Variants in ZNF385D observed in about 807,000 individuals in gnomAD.
ZNF385D encodes the protein zinc finger protein 659.
Under a neutral mutation model 35.8 loss-of-function variants are expected in ZNF385D, and 15 were observed. The observed-to-expected ratio is 0.42, with a 90% CI of 0.28 to 0.64. The LOEUF (loss-of-function observed/expected upper bound fraction) is 0.64, where lower values mean the gene tolerates loss of function less well. Among genes scored for constraint, ZNF385D ranks in the 30% least tolerant of loss-of-function variants. The pLI is 0.23. For missense variants in ZNF385D, 474 were observed against 494.6 expected (o/e 0.96, Z 0.39); for synonymous variants, 212 against 186.8 (o/e 1.13, Z -1.10).
intron 2 of ZNF385D, among the ~76,000 whole-genome samples, chr3:22,284,792 T>C (rs1282225998): frequency 6.6e-6 from 1 of 152,126 alleles, no homozygotes; most frequent in Non-Finnish European, 1.5e-5. Context: ...AATTTAAGAA[T>C]GTCAGGAGAT....
chr3:21,567,826 G>T (rs1020934218), intron 2 of ZNF385D, among the ~76,000 whole-genome samples: 1 of 152,048 alleles, frequency 6.6e-6, no homozygotes, highest in Non-Finnish European at 1.5e-5. Context: ...GGTGATCAGG[G>T]TATTATTTTG....
intron 3 of ZNF385D, among the ~76,000 whole-genome samples, chr3:22,065,733 C>G (rs1699913593): frequency 6.6e-6 from 1 of 152,028 alleles, no homozygotes; most frequent in Non-Finnish European, 1.5e-5. Context: ...ATAACACACA[C>G]TGCATAAAAA....
At chr3:22,039,808 T>C (rs963393653) in intron 3 of ZNF385D, among the ~76,000 whole-genome samples, 3 of 152,118 alleles carry the variant, frequency 2.0e-5, no homozygotes, top group Non-Finnish European at 4.4e-5. Context: ...CCTGGATGTC[T>C]TTCTTCTCTT....
chr3:22,130,587 A>G lies in ZNF385D; in HGVS notation c.325+38230T>C, dbSNP rs184399573. ...CTGTGACAGGGCAGCACTGAGTTCC[A>G]ATGCAAACTTCCAATTTCCCAGTGA... On this transcript the variant is annotated intron_variant, in intron 3 of 5. Transcript: ENST00000494108. 3.3e-5 allele frequency among the ~76,000 whole-genome samples: 5 copies of G among 152,228 alleles called. No individual in the cohort carries two copies. The East Asian group carries it at 9.7e-4, about 29-fold the overall frequency.
chr3:21,549,634 C>A (rs2062499667), intron 3 of ZNF385D, among the ~76,000 whole-genome samples: 1 of 152,212 alleles, frequency 6.6e-6, no homozygotes. Context: ...GACAGCCCAA[C>A]TGAAACTCAT....
chr3:22,007,962 T>C (rs1696322600), intron 3 of ZNF385D, among the ~76,000 whole-genome samples: 1 of 152,066 alleles, frequency 6.6e-6, no homozygotes, highest in Non-Finnish European at 1.5e-5. Context: ...CTCATACCTA[T>C]GTACAAATGA....
chr3:22,068,211 TTTCA>T (rs964984102), intron 3 of ZNF385D, among the ~76,000 whole-genome samples: 4 of 152,226 alleles, frequency 2.6e-5, no homozygotes, highest in Non-Finnish European at 5.9e-5. Flanking sequence ...TTAGATGCTC[TTTCA>T]GACAGTTGTA....
intron 3 of ZNF385D, among the ~76,000 whole-genome samples, chr3:21,982,699 A>G (rs1694545515): frequency 6.6e-6 from 1 of 152,166 alleles, no homozygotes; most frequent in Admixed American, 6.5e-5. Context: ...TTGCCTATTC[A>G]GTATAACATT....
intron 2 of ZNF385D, among the ~76,000 whole-genome samples, chr3:22,284,556 G>C (rs1701930985): frequency 6.6e-6 from 1 of 151,574 alleles, no homozygotes; most frequent in Non-Finnish European, 1.5e-5. Context: ...AAATTGTATG[G>C]TGGACCACAG....
At chr3:22,244,747 G>A (rs1699682342) in intron 2 of ZNF385D, among the ~76,000 whole-genome samples, 1 of 150,878 alleles carries the variant, frequency 6.6e-6, no homozygotes, top group Non-Finnish European at 1.5e-5. Context: ...AATGCCTCAG[G>A]TATATTAAAA....
chr3:22,156,403 G>C (rs1182998466), intron 3 of ZNF385D, among the ~76,000 whole-genome samples: 1 of 152,076 alleles, frequency 6.6e-6, no homozygotes, highest in Non-Finnish European at 1.5e-5. Flanking sequence ...CCCCTGCACA[G>C]ATGGATTACA....
chr3:21,435,127 T>C (rs1701485527), intron 5 of ZNF385D, among the ~76,000 whole-genome samples: 2 of 152,218 alleles, frequency 1.3e-5, no homozygotes, highest in Admixed American at 1.3e-4. Context: ...GGGGTAATTT[T>C]GACACACAAA....
At chr3:21,582,243 G>T (rs2063688661) in intron 2 of ZNF385D, among the ~76,000 whole-genome samples, 1 of 152,086 alleles carries the variant, frequency 6.6e-6, no homozygotes, top group Admixed American at 6.6e-5. Flanking sequence ...TCTATAAACT[G>T]GATCTGAATC....
chr3:21,823,403 G>A (rs995766176), intron 3 of ZNF385D, among the ~76,000 whole-genome samples: 6 of 151,854 alleles, frequency 4.0e-5, no homozygotes. Flanking sequence ...TTCATTACAT[G>A]TCCAGTGCAT....
At chr3:21,656,440 C>G (rs1340186011) in intron 2 of ZNF385D, among the ~76,000 whole-genome samples, 1 of 151,896 alleles carries the variant, frequency 6.6e-6, no homozygotes, top group Admixed American at 6.6e-5. Context: ...ATGACATTCT[C>G]CCTGAATCTC....
intron 2 of ZNF385D, among the ~76,000 whole-genome samples, chr3:22,197,868 T>C (rs1696524690): frequency 6.6e-6 from 1 of 152,162 alleles, no homozygotes; most frequent in Non-Finnish European, 1.5e-5. Context: ...TCAAAAGACT[T>C]GCTTTCCTTT....
chr3:21,958,208 C>T (rs961042221), intron 3 of ZNF385D, among the ~76,000 whole-genome samples: 1 of 152,084 alleles, frequency 6.6e-6, no homozygotes, highest in Non-Finnish European at 1.5e-5. Flanking sequence ...TATCAGCGTG[C>T]ACCAATAATG....
At chr3:22,068,009 T>C (rs929785782) in intron 3 of ZNF385D, among the ~76,000 whole-genome samples, 9 of 103,930 alleles carry the variant, frequency 8.7e-5, no homozygotes, top group African/African-American at 1.3e-4. Context: ...AAGACTCCAC[T>C]GGAAAAAAAA....
chr3:22,060,405 A>G (rs12638513), intron 3 of ZNF385D, among the ~76,000 whole-genome samples: 3,474 of 152,308 alleles, frequency 0.023, 88 homozygotes, highest in African/African-American at 0.06. Context: ...TCAACCATCC[A>G]CACATATTCT....
Sources: gnomAD v4.1 joint callset for allele counts (sites outside exome capture counted in the v4.1 genomes callset) on GRCh38, gnomAD v4.1.1 for gene constraint, MANE v1.5 for transcripts, NCBI Gene and HGNC (gene_info 2026-07-23, HGNC 2026-07-21) for gene names.